Variants in POC5 observed in about 807,000 individuals in gnomAD.
POC5 encodes centrosomal protein POC5.
Under a neutral mutation model 62.9 loss-of-function variants are expected in POC5, and 48 were observed. That is an observed-to-expected ratio of 0.76 (90% CI 0.61 to 0.97). POC5 has a LOEUF of 0.97. Among genes scored for constraint, POC5 ranks in the 50% least tolerant of loss-of-function variants. POC5 has a pLI of 0.00. For missense variants in POC5, 696 were observed against 679.5 expected (o/e 1.02, Z -0.27); for synonymous variants, 236 against 228.2 (o/e 1.03, Z -0.31).
Position 75,685,260 on chromosome 5 carries a change from G to A in POC5, c.1354C>T (p.Pro452Ser), listed in dbSNP as rs1265821924. Residue 452 changes from proline to serine, a missense_variant, in exon 10 of 12, where the codon CCT becomes TCT. Pro to Ser is a moderately conservative substitution (Grantham distance 74). Transcript: ENST00000428202. ...GATCCTGCACCAAGAGCAGAAACAGGAACGTGAACAGAAGATGCGGAAGCA... is the reference window on the plus strand; with the variant it reads ...GATCCTGCACCAAGAGCAGAAACAGAAACGTGAACAGAAGATGCGGAAGCA... ...RAASASSVHV[P>S]VSALGAGSAA... The A allele has an allele frequency of 1.9e-6, 3 of 1,613,900 alleles. No homozygotes were observed. The Admixed American group carries it at 5.0e-5, about 27-fold the overall frequency.
chr5:75,708,024 T>G, intron 2 of POC5, 149 bp from the exon 3 acceptor site: 58 of 648,954 alleles, frequency 8.9e-5, no homozygotes, highest in East Asian at 1.2e-4. Flanking sequence ...CAAGCTTGAG[T>G]TCCTCGAGTG....
chr5:75,687,370 AT>A (rs929720682), intron 9 of POC5, among the ~76,000 whole-genome samples: 2 of 149,122 alleles, frequency 1.3e-5, no homozygotes, highest in African/African-American at 4.9e-5. Flanking sequence ...GCCAAAAGTA[AT>A]TTTTTTTTCT....
intron 2 of POC5, among the ~76,000 whole-genome samples, chr5:75,710,170 G>A (rs769331037): frequency 3.9e-5 from 6 of 152,184 alleles, no homozygotes; most frequent in Non-Finnish European, 5.9e-5. Context: ...GATGATCTCA[G>A]GACTACGTAT....
At chr5:75,699,257 C>G (rs1394781419) in intron 5 of POC5, among the ~76,000 whole-genome samples, 1 of 151,858 alleles carries the variant, frequency 6.6e-6, no homozygotes, top group Non-Finnish European at 1.5e-5. Flanking sequence ...CGGGCAGAGA[C>G]ACAACCAAAA....
chr5:75,695,836 C>T (rs764955698), intron 5 of POC5, among the ~76,000 whole-genome samples: 11 of 152,014 alleles, frequency 7.2e-5, no homozygotes, highest in South Asian at 4.2e-4. Flanking sequence ...AGACAGTGGG[C>T]GCAGGACAGT....
chr5:75,689,575 G>A, intron 8 of POC5: 7 of 983,372 alleles, frequency 7.1e-6, no homozygotes, highest in Non-Finnish European at 7.2e-6. Context: ...TTTTTATAAT[G>A]TAAATGTTAC....
chr5:75,690,210 T>A (rs1776269040), intron 8 of POC5, among the ~76,000 whole-genome samples, 173 bp downstream of exon 8: 1 of 152,202 alleles, frequency 6.6e-6, no homozygotes, highest in South Asian at 2.1e-4. Flanking sequence ...ACTCCTTATA[T>A]CAACCATGTA....
intron 6 of POC5, among the ~76,000 whole-genome samples, 193 bp downstream of exon 6, chr5:75,694,462 A>C (rs1404343929): frequency 1.3e-5 from 2 of 152,220 alleles, no homozygotes; most frequent in East Asian, 3.8e-4. Context: ...AGAACACAGA[A>C]GTCAATGGTG....
rs763910203 is a variant in POC5, at chr5:75,685,251, C to G, written c.1363G>C (p.Ala455Pro). 7.5e-5 allele frequency: 121 copies of G among 1,613,812 alleles called. No individual in the cohort carries two copies. The highest frequency in any genetic ancestry group is 1.0e-4 in the Non-Finnish European group (119 of 1,179,870). ...GTAGCTGCAGATCCTGCACCAAGAG[C>G]AGAAACAGGAACGTGAACAGAAGAT... Reference protein sequence around the residue: ...SASSVHVPVSALGAGSAATAA... With the variant: ...SASSVHVPVSPLGAGSAATAA... Residue 455 changes from alanine (A) to proline (P), a missense_variant, in exon 10 of 12, where the codon GCT (alanine) becomes CCT (proline). Physicochemically the swap from Ala to Pro is conservative, Grantham distance 27. Transcript: ENST00000428202.
intron 5 of POC5, among the ~76,000 whole-genome samples, chr5:75,696,411 C>T (rs988195122): frequency 9.2e-5 from 14 of 152,174 alleles, no homozygotes; most frequent in South Asian, 2.1e-4. Flanking sequence ...CCCTGACCTC[C>T]GAGCAGCCTA....
chr5:75,717,046 G>C (rs763980244), intron 1 of POC5, among the ~76,000 whole-genome samples: 1 of 152,148 alleles, frequency 6.6e-6, no homozygotes, highest in African/African-American at 2.4e-5. Flanking sequence ...CTTTATACAT[G>C]GTTATTTTTT....
chr5:75,687,037 A>ATT (rs34405390), intron 9 of POC5, among the ~76,000 whole-genome samples: 10 of 146,404 alleles, frequency 6.8e-5, no homozygotes, highest in East Asian at 2.0e-4. Flanking sequence ...ATAAAAAACA[A>ATT]TTTTTTTTTT....
intron 8 of POC5, 188 bp from the exon 9 acceptor site, chr5:75,689,353 CT>C: frequency 1.0e-6 from 1 of 984,844 alleles, no homozygotes; most frequent in Non-Finnish European, 1.2e-6. Context: ...CAACAAAATG[CT>C]TTCATTCCTA....
At chr5:75,701,728 AAAATAAAT>A (rs139286076) in intron 5 of POC5, among the ~76,000 whole-genome samples, 9 of 150,510 alleles carry the variant, frequency 6.0e-5, no homozygotes, top group Non-Finnish European at 1.3e-4. Context: ...AATAATAATA[AAAATAAAT>A]AAATAAATAA....
intron 11 of POC5, among the ~76,000 whole-genome samples, chr5:75,676,300 A>G (rs1775647673): frequency 6.6e-6 from 1 of 152,184 alleles, no homozygotes; most frequent in East Asian, 1.9e-4. Context: ...CTCATTTTTG[A>G]TAACTTGTCT....
chr5:75,683,335 A>G (rs139869200), intron 10 of POC5, among the ~76,000 whole-genome samples: 4,986 of 151,900 alleles, frequency 0.033, 269 homozygotes, highest in African/African-American at 0.11. Flanking sequence ...CCCTGGTTCA[A>G]GCAATTCTAT....
At chr5:75,699,059 T>C (rs1041665911) in intron 5 of POC5, among the ~76,000 whole-genome samples, 1 of 151,882 alleles carries the variant, frequency 6.6e-6, no homozygotes, top group Admixed American at 6.6e-5. Flanking sequence ...CAGGAGCTGA[T>C]ATTGTGGCAA....
intron 1 of POC5, among the ~76,000 whole-genome samples, chr5:75,715,309 C>CAA (rs922297009): frequency 0.12 from 6,780 of 58,580 alleles, 312 homozygotes; most frequent in African/African-American, 0.13. Flanking sequence ...GACTCCGTCT[C>CAA]AAAAAAAAAA....
intron 2 of POC5, among the ~76,000 whole-genome samples, chr5:75,710,360 C>T (rs906394500): frequency 3.9e-5 from 6 of 152,016 alleles, no homozygotes; most frequent in Non-Finnish European, 8.8e-5. Context: ...TGTTTGTGTC[C>T]CCTCAAAATT....
Sources: allele counts gnomAD v4.1 joint callset (sites outside exome capture counted in the v4.1 genomes callset), GRCh38; gene constraint gnomAD v4.1.1; transcripts MANE v1.5; gene names NCBI Gene and HGNC (gene_info 2026-07-23, HGNC 2026-07-21).